Variants in KCNMA1 observed in about 807,000 individuals in gnomAD.
KCNMA1 encodes the protein potassium calcium-activated channel subfamily M alpha 1, also known as Calcium-activated potassium channel subunit alpha-1.
In KCNMA1, 29 loss-of-function variants were observed where a neutral mutation model predicts 140.0. The observed-to-expected ratio is 0.21, with a 90% CI of 0.15 to 0.28. KCNMA1 has a LOEUF of 0.28. KCNMA1 is among the 10% of genes least tolerant of loss of function. KCNMA1 has a pLI of 1.00. For missense variants in KCNMA1, 880 were observed against 1,602.2 expected (o/e 0.55, Z 7.70); for synonymous variants, 612 against 611.9 (o/e 1.00, Z 0.00).
Position 77,449,917 on chromosome 10 carries a change from C to T in KCNMA1, c.379-45894G>A, listed in dbSNP as rs577309702. 5.3e-5 allele frequency among the ~76,000 whole-genome samples: 8 copies of T among 151,948 alleles called. No homozygotes were observed. In the South Asian group the frequency reaches 1.5e-3, roughly 28 times the overall value. On this transcript the variant is annotated intron_variant, in intron 1 of 27. Transcript: ENST00000286628. ...TCGGCCTCCCAAAGTGCTGGGATTA[C>T]AGGTGTGAGCCACCACGCCTGGCCT... is the stretch of plus-strand genomic sequence containing the variant.
intron 1 of KCNMA1, among the ~76,000 whole-genome samples, chr10:77,622,581 C>A (rs893702825): frequency 6.6e-6 from 1 of 152,176 alleles, no homozygotes; most frequent in Non-Finnish European, 1.5e-5. Context: ...AACAACCAGA[C>A]ACACAGTAAT....
chr10:77,370,105 T>C (rs1374326732), intron 2 of KCNMA1, among the ~76,000 whole-genome samples: 1 of 152,208 alleles, frequency 6.6e-6, no homozygotes, highest in Non-Finnish European at 1.5e-5. Context: ...GTTTCTGTTA[T>C]CTTTTAATGG....
At chr10:77,489,412 T>G (rs908978724) in intron 1 of KCNMA1, among the ~76,000 whole-genome samples, 2 of 152,186 alleles carry the variant, frequency 1.3e-5, no homozygotes, top group Non-Finnish European at 1.5e-5. Flanking sequence ...CTTGGCTGAC[T>G]GCAACCTCTG....
At chr10:77,535,157 A>G (rs1023284666) in intron 1 of KCNMA1, among the ~76,000 whole-genome samples, 9 of 152,178 alleles carry the variant, frequency 5.9e-5, no homozygotes, top group Admixed American at 2.0e-4. Context: ...GCAACCACAC[A>G]TCAGTTACTA....
At chr10:77,292,551 G>T (rs1462793503) in intron 2 of KCNMA1, among the ~76,000 whole-genome samples, 1 of 152,236 alleles carries the variant, frequency 6.6e-6, no homozygotes, top group Non-Finnish European at 1.5e-5. Flanking sequence ...AAGGAAGGGA[G>T]AAGTTGGAAC....
chr10:77,087,908 T>C (rs2096729881), intron 10 of KCNMA1, among the ~76,000 whole-genome samples: 1 of 151,858 alleles, frequency 6.6e-6, no homozygotes, highest in South Asian at 2.1e-4. Flanking sequence ...GCAGATAACA[T>C]TTTAAATAAA....
At chr10:77,540,910 C>G (rs1475909006) in intron 1 of KCNMA1, among the ~76,000 whole-genome samples, 2 of 151,728 alleles carry the variant, frequency 1.3e-5, no homozygotes, top group Non-Finnish European at 2.9e-5. Flanking sequence ...GAGGCTGAGG[C>G]AGGAGAATCG....
chr10:77,601,772 A>AC (rs1279659824), intron 1 of KCNMA1, among the ~76,000 whole-genome samples: 3 of 152,196 alleles, frequency 2.0e-5, no homozygotes, highest in African/African-American at 7.2e-5. Context: ...ACCAGGAACC[A>AC]CATGGACTTC....
intron 25 of KCNMA1, chr10:76,902,806 C>A (rs1485308315): frequency 1.3e-5 from 2 of 150,832 alleles, no homozygotes; most frequent in African/African-American, 5.0e-5. Context: ...GATGAAAAAA[C>A]AAAACAAAAC....
At chr10:77,136,602 AAAAAG>A (rs2098037112) in intron 5 of KCNMA1, among the ~76,000 whole-genome samples, 2 of 152,078 alleles carry the variant, frequency 1.3e-5, no homozygotes, top group Non-Finnish European at 2.9e-5. Context: ...GAAAAAAAAA[AAAAAG>A]AAGTAAAAGA....
intron 2 of KCNMA1, among the ~76,000 whole-genome samples, chr10:77,278,639 G>A (rs1030768050): frequency 6.6e-6 from 1 of 152,132 alleles, no homozygotes; most frequent in Non-Finnish European, 1.5e-5. Context: ...TATTTTCTCT[G>A]CCATATGCGG....
In KCNMA1 at chr10:77,469,819, T is replaced by C. The variant is rs567425832; in HGVS notation, c.379-65796A>G. ...TTAATTTGTTAATGGATCTTCCGGC[T>C]GATGGCTGGGGGAAAAGATAGCAAT... On this transcript the variant is annotated intron_variant, in intron 1 of 27. Coordinates refer to ENST00000286628, the MANE Select transcript of KCNMA1 (RefSeq NM_001161352.2). 2.0e-5 allele frequency among the ~76,000 whole-genome samples: 3 copies of C among 152,294 alleles called. No individual in the cohort carries two copies. The South Asian group carries it at 6.2e-4, about 32-fold the overall frequency.
chr10:77,310,179 C>T (rs908012959), intron 2 of KCNMA1, among the ~76,000 whole-genome samples: 6 of 152,174 alleles, frequency 3.9e-5, no homozygotes, highest in Admixed American at 1.3e-4. Flanking sequence ...ATTTAGACAG[C>T]GTGCACTAGT....
At chr10:76,946,385 T>C (rs2063960005) in intron 22 of KCNMA1, among the ~76,000 whole-genome samples, 1 of 152,116 alleles carries the variant, frequency 6.6e-6, no homozygotes, top group African/African-American at 2.4e-5. Flanking sequence ...GACCAAGGGT[T>C]TGCCAACTGT....
At chr10:77,311,212 C>T (rs1410343879) in intron 2 of KCNMA1, among the ~76,000 whole-genome samples, 4 of 152,236 alleles carry the variant, frequency 2.6e-5, no homozygotes, top group Admixed American at 2.0e-4. Flanking sequence ...GCCTGCACAA[C>T]TCATGTTAGG....
Position 77,637,553 on chromosome 10 carries a change from G to C in KCNMA1, c.90C>G (p.His30Gln), listed in dbSNP as rs75040504. The change falls in exon 1 of 28, where the codon CAC (histidine) becomes CAG (glutamine). Residue 30 changes from histidine to glutamine, a missense_variant. His to Gln is a conservative substitution (Grantham distance 24). This residue lies in a region of KCNMA1 where 94 missense variants were observed against 92.4 expected (regional missense o/e 1.02). Transcript: ENST00000286628. ...ACGCGTCTAGGCTGAGATGGTTCGCGTGGATATTGCTACTCATTCTAAGAC... is the reference window on the plus strand; with the variant it reads ...ACGCGTCTAGGCTGAGATGGTTCGCCTGGATATTGCTACTCATTCTAAGAC... ...GSSLRMSSNIHANHLSLDASS... is the reference protein window; with the variant it reads ...GSSLRMSSNIQANHLSLDASS... 6.5e-7 allele frequency: 1 copy of C among 1,543,430 alleles called. No homozygotes were observed. The highest frequency in any genetic ancestry group is 8.7e-7 in the Non-Finnish European group (1 of 1,143,108).
intron 17 of KCNMA1, among the ~76,000 whole-genome samples, chr10:77,015,213 T>C (rs1438471121): frequency 6.6e-6 from 1 of 152,030 alleles, no homozygotes; most frequent in Non-Finnish European, 1.5e-5. Flanking sequence ...GCGTGTCCAG[T>C]GGAAGGAGTC....
intron 2 of KCNMA1, among the ~76,000 whole-genome samples, chr10:77,351,642 A>AC (rs2092903298): frequency 6.6e-6 from 1 of 152,208 alleles, no homozygotes; most frequent in Admixed American, 6.5e-5. Flanking sequence ...AGAATTCAGA[A>AC]CCCTAGTCTG....
At chr10:77,300,078 T>C (rs940916061) in intron 2 of KCNMA1, among the ~76,000 whole-genome samples, 2 of 152,218 alleles carry the variant, frequency 1.3e-5, no homozygotes, top group Non-Finnish European at 2.9e-5. Context: ...CAGGGCCTGC[T>C]AAGGGACTTC....
Sources: gnomAD v4.1 joint callset for allele counts (sites outside exome capture counted in the v4.1 genomes callset) on GRCh38, gnomAD v4.1.1 for gene constraint, gnomAD v4.1.1 regional missense constraint, MANE v1.5 for transcripts, NCBI Gene and HGNC (gene_info 2026-07-23, HGNC 2026-07-21) for gene names.